RASA3: variants seen among roughly 807,000 people sequenced by gnomAD.
The protein encoded by RASA3 is ras GTPase-activating protein 3.
In RASA3, 73 loss-of-function variants were observed where a neutral mutation model predicts 110.0. The observed-to-expected ratio is 0.66, with a 90% CI of 0.55 to 0.81. The LOEUF is 0.81. RASA3 is among the 30% of genes least tolerant of loss of function. The probability of loss-of-function intolerance (pLI) is 0.00; values close to 1 mark genes in which losing one functional copy is unlikely to be tolerated. For missense variants in RASA3, 976 were observed against 1,113.2 expected (o/e 0.88, Z 1.75); for synonymous variants, 500 against 451.4 (o/e 1.11, Z -1.37).
At chr13:113,982,427 G>A (rs561483950) in intron 22 of RASA3, among the ~76,000 whole-genome samples, 1 of 152,326 alleles carries the variant, frequency 6.6e-6, no homozygotes, top group Admixed American at 6.5e-5. Flanking sequence ...CCACTGCCCC[G>A]GACCCCACCT....
intron 1 of RASA3, among the ~76,000 whole-genome samples, chr13:114,104,116 C>T (rs1392116581): frequency 1.9e-4 from 5 of 26,636 alleles, no homozygotes; most frequent in Non-Finnish European, 1.7e-4. Flanking sequence ...GGACACCCAC[C>T]CCTGATGCGT....
chr13:114,053,431 C>T (rs1347901903), intron 2 of RASA3, among the ~76,000 whole-genome samples: 3 of 152,248 alleles, frequency 2.0e-5, no homozygotes, highest in Admixed American at 2.0e-4. Flanking sequence ...CGCACAGCTA[C>T]CACCAACTCA....
rs2079950979 is a variant in RASA3, at chr13:114,096,825, T to C, written c.56-22988A>G. Among the ~76,000 whole-genome samples the C allele has an allele frequency of 6.6e-6, 1 of 152,116 alleles. No homozygotes were observed. The highest frequency in any genetic ancestry group is 1.5e-5 in the Non-Finnish European group (1 of 68,014). ...CCCCTACAAGCAACGTCCGTCTGTG[T>C]CCAGGCCGATCTCGCTGCTCCCTCG... On this transcript the variant is annotated intron_variant, in intron 1 of 23. Transcript: ENST00000334062. This position sits in a 1 kb window ranked among gnomAD's most constrained non-coding sequence, Gnocchi z 5.1.
intron 2 of RASA3, among the ~76,000 whole-genome samples, chr13:114,058,964 A>G (rs1299124558): frequency 6.6e-6 from 1 of 152,254 alleles, no homozygotes; most frequent in Non-Finnish European, 1.5e-5. Flanking sequence ...TTGGGAGGCC[A>G]TGCCAGAAGC....
chr13:114,099,006 C>T (rs2079985422), intron 1 of RASA3, among the ~76,000 whole-genome samples: 4 of 93,488 alleles, frequency 4.3e-5, no homozygotes, highest in Non-Finnish European at 6.9e-5. Flanking sequence ...CACCCGAGCC[C>T]CCCAGACCAC....
chr13:114,076,565 G>A (rs752807145), intron 1 of RASA3, among the ~76,000 whole-genome samples: 2 of 151,602 alleles, frequency 1.3e-5, no homozygotes, highest in African/African-American at 2.4e-5. Context: ...CGCAGCACAC[G>A]CAGGCAGCAC....
At chr13:114,076,188 G>C (rs896841865) in intron 1 of RASA3, among the ~76,000 whole-genome samples, 1 of 152,220 alleles carries the variant, frequency 6.6e-6, no homozygotes, top group South Asian at 2.1e-4. Context: ...GCTCTCGAAG[G>C]CTCCTCCGGC....
At chr13:114,121,483 A>G (rs2080376450) in intron 1 of RASA3, among the ~76,000 whole-genome samples, 2 of 152,106 alleles carry the variant, frequency 1.3e-5, no homozygotes, top group Non-Finnish European at 2.9e-5. Flanking sequence ...CCTCCACCCA[A>G]CACTGCACAT....
rs1241771422 is a variant in RASA3, at chr13:114,012,721, TTCCACACACACTCCCCAC to T, written c.1512+403_1512+420del. Among the ~76,000 whole-genome samples, 3 of 86,668 alleles carry T rather than the reference TTCCACACACACTCCCCAC, an allele frequency of 3.5e-5. No individual in the cohort carries two copies. In the Admixed American group the frequency reaches 3.8e-4, roughly 11 times the overall value. The allele number at this position is 86,668 out of a possible 152,430, so 56.9% of individuals were successfully genotyped here. A position where few individuals can be genotyped will look rare whatever the true frequency, so the allele number is the denominator to read the frequency against. On this transcript the variant is annotated intron_variant, in intron 15 of 23. Transcript: ENST00000334062. Reference sequence around the variant, plus strand: ...CTCCTCATTCCACACACACTCCCCATTCCACACACACTCCCCACTCACTCATTCCACACACACTCCCCA... The same window carrying T: ...CTCCTCATTCCACACACACTCCCCATTCACTCATTCCACACACACTCCCCA...
chr13:114,030,156 A>C (rs1472124011), intron 4 of RASA3, among the ~76,000 whole-genome samples: 2 of 152,234 alleles, frequency 1.3e-5, no homozygotes, highest in Non-Finnish European at 2.9e-5. Context: ...CTGCCTCAGA[A>C]GTGAGGGGTC....
chr13:114,047,107 G>A (rs1594383665), intron 3 of RASA3, among the ~76,000 whole-genome samples: 1 of 152,270 alleles, frequency 6.6e-6, no homozygotes, highest in Non-Finnish European at 1.5e-5. Flanking sequence ...GTTCTTCAAA[G>A]CCAATGGTAA....
intron 2 of RASA3, among the ~76,000 whole-genome samples, chr13:114,064,104 C>A (rs11843455): frequency 0.096 from 14,553 of 152,138 alleles, 910 homozygotes; most frequent in Admixed American, 0.16. Context: ...ACTAAAAAAA[C>A]CCCCACAAAT....
intron 1 of RASA3, among the ~76,000 whole-genome samples, chr13:114,110,655 T>C (rs1247385206): frequency 6.6e-6 from 1 of 152,124 alleles, no homozygotes; most frequent in Non-Finnish European, 1.5e-5. Flanking sequence ...ACAAGCTTCC[T>C]CCCCTGGCTG....
chr13:114,038,113 C>T (rs2054315887), intron 4 of RASA3, among the ~76,000 whole-genome samples: 1 of 151,346 alleles, frequency 6.6e-6, no homozygotes, highest in Non-Finnish European at 1.5e-5. Context: ...GGAAAAGCTA[C>T]ACCTGCCAAT....
intron 1 of RASA3, among the ~76,000 whole-genome samples, chr13:114,091,973 A>C (rs2079894747): frequency 1.3e-5 from 2 of 152,120 alleles, no homozygotes; most frequent in African/African-American, 2.4e-5. Flanking sequence ...ATAGCTGTTC[A>C]TAATAGTCTC....
At chr13:113,999,249 C>A (rs538064950) in intron 20 of RASA3, among the ~76,000 whole-genome samples, 1 of 152,208 alleles carries the variant, frequency 6.6e-6, no homozygotes, top group Admixed American at 6.5e-5. Flanking sequence ...GAATTCCAGA[C>A]GGTCCCAAGC....
At position 114,118,543 on chromosome 13, in the gene RASA3, G is replaced by A. The variant is rs189400167; in HGVS notation, c.55+13892C>T. 2.4e-3 allele frequency among the ~76,000 whole-genome samples: 362 copies of A among 152,242 alleles called. 1 individual carries two copies. Among genetic ancestry groups the A allele is most frequent in the Non-Finnish European group, 4.3e-3 (290 of 68,018 alleles). On this transcript the variant is annotated intron_variant, in intron 1 of 23. Transcript: ENST00000334062. The stretch of plus-strand genomic sequence containing the variant: ...ATAAACACACCAGTTAAGAATGCAT[G>A]GCACATTTTTACAAGCCTCACAACT...
At position 114,011,267 on chromosome 13, in the gene RASA3, G is replaced by A. The variant is rs754584844; in HGVS notation, c.1513-19C>T. 5.6e-6 allele frequency: 9 copies of A among 1,598,386 alleles called. No homozygotes were observed. The highest frequency in any genetic ancestry group is 6.8e-6 in the Non-Finnish European group (8 of 1,168,008). The stretch of plus-strand genomic sequence containing the variant: ...GGGGGTCCTGGGGAGGCGGGAGCAA[G>A]AAAGGTCTATGTCAGCATCACAGAA... On this transcript the variant is annotated intron_variant, in intron 15 of 23. Coordinates refer to ENST00000334062, the MANE Select transcript of RASA3 (RefSeq NM_007368.4). The surrounding 1 kb of genome is among the most constrained non-coding windows in gnomAD (Gnocchi z 4.8).
At chr13:114,121,119 A>C (rs1468063797) in intron 1 of RASA3, among the ~76,000 whole-genome samples, 1 of 152,274 alleles carries the variant, frequency 6.6e-6, no homozygotes, top group African/African-American at 2.4e-5. Flanking sequence ...ATACAAATAC[A>C]AAATACTAGA....
Sources: gnomAD v4.1 joint callset for allele counts (sites outside exome capture counted in the v4.1 genomes callset) on GRCh38, gnomAD v4.1.1 for gene constraint, Gnocchi (gnomAD v3.1) non-coding constraint, MANE v1.5 for transcripts, NCBI Gene and HGNC (gene_info 2026-07-23, HGNC 2026-07-21) for gene names.